The following KCTD16 variants were observed in gnomAD, a reference collection of about 807,000 sequenced individuals.
KCTD16 encodes the protein potassium channel tetramerization domain containing 16.
In KCTD16, 13 loss-of-function variants were observed where a neutral mutation model predicts 33.2. The ratio of observed to expected loss-of-function variants is 0.39; its 90% CI spans 0.25 to 0.62. The LOEUF (loss-of-function observed/expected upper bound fraction) is 0.62. Ranked by LOEUF, KCTD16 falls within the 20% of genes least tolerant of loss-of-function variation. KCTD16 has a pLI of 0.50. For missense variants in KCTD16, 441 were observed against 525.1 expected, an observed-to-expected ratio of 0.84 and a Z score of 1.57; for synonymous variants, 197 against 195.3, an observed-to-expected ratio of 1.01 and a Z score of -0.07.
At chr5:144,230,834 T>C (rs1183659900) in intron 3 of KCTD16, among the ~76,000 whole-genome samples, 3 of 152,296 alleles carry the variant, frequency 2.0e-5, no homozygotes, top group Middle Eastern at 3.4e-3. Context: ...TCTTAAGTAA[T>C]GTCGTATAGA....
intron 2 of KCTD16, among the ~76,000 whole-genome samples, chr5:144,175,863 G>T (rs891856861): frequency 6.6e-6 from 1 of 152,188 alleles, no homozygotes; most frequent in Non-Finnish European, 1.5e-5. Context: ...GAAGCAATAT[G>T]ATTTCTTCAG....
intron 3 of KCTD16, among the ~76,000 whole-genome samples, chr5:144,212,183 G>A (rs1288385719): frequency 7.9e-5 from 12 of 152,130 alleles, no homozygotes; most frequent in Admixed American, 7.2e-4. Flanking sequence ...GGATAATAAA[G>A]GGCAGAAGCA....
rs770452513 is a variant in KCTD16 at position 144,479,069 on chromosome 5, G to A, written c.*4955G>A. 2 of 151,952 alleles carry A rather than the reference G, an allele frequency of 1.3e-5. No homozygotes were observed. Among genetic ancestry groups the A allele is most frequent in the Non-Finnish European group, 2.9e-5 (2 of 67,912 alleles). 9.4% of individuals were successfully genotyped at this position (151,952 alleles called of 1,614,324 possible). The stretch of plus-strand genomic sequence containing the variant: ...ATAATGATCTTTCCCAAGGAGAGTT[G>A]TTTATTTCTAGGCCCTTACTTAGTA... On this transcript the variant is annotated 3_prime_UTR_variant, in exon 4 of 4. Transcript: ENST00000512467.
intron 3 of KCTD16, among the ~76,000 whole-genome samples, chr5:144,441,838 A>T (rs1753717169): frequency 6.8e-6 from 1 of 146,884 alleles, no homozygotes; most frequent in Non-Finnish European, 1.5e-5. Context: ...AAATGTTAAG[A>T]TCATCTTGAC....
chr5:144,456,542 G>C (rs934533771), intron 3 of KCTD16, among the ~76,000 whole-genome samples: 2 of 152,130 alleles, frequency 1.3e-5, no homozygotes, highest in African/African-American at 4.8e-5. Flanking sequence ...CCATCTGACA[G>C]TGCAATTTGA....
chr5:144,208,298 G>T (rs752656614), intron 3 of KCTD16, among the ~76,000 whole-genome samples: 32 of 152,150 alleles, frequency 2.1e-4, no homozygotes, highest in Non-Finnish European at 3.4e-4. Flanking sequence ...AGCCAGAGAG[G>T]GAAGAAATGA....
At chr5:144,417,227 A>C (rs1358617178) in intron 3 of KCTD16, among the ~76,000 whole-genome samples, 2 of 152,172 alleles carry the variant, frequency 1.3e-5, no homozygotes, top group Non-Finnish European at 2.9e-5. Flanking sequence ...TCTATTTCTC[A>C]TCACCAATGT....
At chr5:144,355,714 A>G (rs769671234) in intron 3 of KCTD16, among the ~76,000 whole-genome samples, 7 of 151,976 alleles carry the variant, frequency 4.6e-5, no homozygotes, top group East Asian at 1.9e-4. Flanking sequence ...TTCATCGCCA[A>G]TCTCCACTCT....
intron 3 of KCTD16, among the ~76,000 whole-genome samples, chr5:144,242,653 T>C (rs1347892538): frequency 2.6e-5 from 4 of 152,156 alleles, no homozygotes; most frequent in Non-Finnish European, 5.9e-5. Flanking sequence ...GGAAAGTTTA[T>C]GATTGGGTAT....
chr5:144,230,259 G>A (rs963563454), intron 3 of KCTD16, among the ~76,000 whole-genome samples: 35 of 152,294 alleles, frequency 2.3e-4, no homozygotes, highest in Admixed American at 5.9e-4. Flanking sequence ...CTGCATTTTC[G>A]TCTTTGCCAG....
At chr5:144,384,155 T>C (rs1752275070) in intron 3 of KCTD16, 1 of 152,210 alleles carries the variant, frequency 6.6e-6, no homozygotes, top group African/African-American at 2.4e-5. Context: ...TAATATATTT[T>C]ATGCTCTTCT....
intron 3 of KCTD16, among the ~76,000 whole-genome samples, chr5:144,413,709 T>A (rs768457186): frequency 6.6e-5 from 10 of 152,130 alleles, no homozygotes; most frequent in Non-Finnish European, 1.2e-4. Flanking sequence ...ATTCATCATA[T>A]CTCCGTGGTC....
intron 3 of KCTD16, among the ~76,000 whole-genome samples, chr5:144,366,652 C>T (rs1209271805): frequency 6.6e-6 from 1 of 152,150 alleles, no homozygotes; most frequent in Non-Finnish European, 1.5e-5. Context: ...TAAGCATAAT[C>T]CCTGGGGTCT....
At chr5:144,429,304 C>G (rs769796979) in intron 3 of KCTD16, among the ~76,000 whole-genome samples, 1 of 152,082 alleles carries the variant, frequency 6.6e-6, no homozygotes, top group African/African-American at 2.4e-5. Flanking sequence ...TACTGGCATG[C>G]CTTGCAGAAT....
chr5:144,283,064 T>G (rs569067983), intron 3 of KCTD16, among the ~76,000 whole-genome samples: 2 of 152,334 alleles, frequency 1.3e-5, no homozygotes, highest in Non-Finnish European at 2.9e-5. Flanking sequence ...TTTTTTTTAT[T>G]ATACTTTAAG....
chr5:144,463,436 A>G (rs753718183), intron 3 of KCTD16, among the ~76,000 whole-genome samples: 2 of 147,388 alleles, frequency 1.4e-5, no homozygotes, highest in Non-Finnish European at 3.0e-5. Context: ...TGGACATTGA[A>G]TATTTTCTAG....
chr5:144,359,822 T>A (rs1429137565), intron 3 of KCTD16, among the ~76,000 whole-genome samples: 1 of 152,052 alleles, frequency 6.6e-6, no homozygotes, highest in African/African-American at 2.4e-5. Context: ...CTAGGGGTCT[T>A]ATTCTAGAGT....
chr5:144,358,545 A>G (rs80294674), intron 3 of KCTD16, among the ~76,000 whole-genome samples: 2,872 of 152,314 alleles, frequency 0.019, 81 homozygotes, highest in African/African-American at 0.065. Context: ...ATCCTGGGGC[A>G]GAAGGTACAC....
chr5:144,474,234 A>C lies in KCTD16; in HGVS notation c.*120A>C. 1.3e-6 allele frequency: 1 copy of C among 761,844 alleles called. No individual in the cohort carries two copies. Among genetic ancestry groups the C allele is most frequent in the Non-Finnish European group, 2.1e-6 (1 of 479,620 alleles). The allele number at this position is 761,844 out of a possible 1,614,324, so 47.2% of individuals were successfully genotyped here. A position where few individuals can be genotyped will look rare whatever the true frequency, so the allele number is the denominator to read the frequency against. On this transcript the variant is annotated 3_prime_UTR_variant, in exon 4 of 4. Transcript: ENST00000512467. ...TGATGCACATTTCTTAGAACACAATAGTCCATTGATATACTACTGCCTACT... is the reference window on the plus strand; with the variant it reads ...TGATGCACATTTCTTAGAACACAATCGTCCATTGATATACTACTGCCTACT...
Sources: gnomAD v4.1 joint callset for allele counts (sites outside exome capture counted in the v4.1 genomes callset) on GRCh38, gnomAD v4.1.1 for gene constraint, MANE v1.5 for transcripts, NCBI Gene and HGNC (gene_info 2026-07-23, HGNC 2026-07-21) for gene names.